Variants in PRKN observed in about 807,000 individuals in gnomAD.
PRKN encodes the protein parkin RBR E3 ubiquitin protein ligase, also known as E3 ubiquitin-protein ligase parkin.
PRKN carries 56 observed loss-of-function variants against 59.5 expected under a neutral mutation model. The observed-to-expected ratio is 0.94, with a 90% confidence interval of 0.76 to 1.18. PRKN has a LOEUF of 1.18. Ranked by LOEUF, PRKN falls within the 50% of genes most tolerant of loss-of-function variation. The probability of loss-of-function intolerance (pLI) is 0.00; values close to 1 mark genes in which losing one functional copy is unlikely to be tolerated. For synonymous variants in PRKN, 250 were observed against 222.1 expected (o/e 1.13, Z -1.12); for missense variants, 657 against 596.4 (o/e 1.10, Z -1.06).
chr6:162,485,401 C>T (rs1292271069), intron 1 of PRKN, among the ~76,000 whole-genome samples: 1 of 152,154 alleles, frequency 6.6e-6, no homozygotes, highest in East Asian at 1.9e-4. Context: ...ATGAGAGACA[C>T]TGCTATTTTT....
intron 9 of PRKN, among the ~76,000 whole-genome samples, chr6:161,532,592 G>GT (rs1321342695): frequency 2.0e-5 from 3 of 152,156 alleles, no homozygotes; most frequent in African/African-American, 4.8e-5. Flanking sequence ...GCTTTGTGGG[G>GT]TTTTTTTACT....
intron 1 of PRKN, among the ~76,000 whole-genome samples, chr6:162,640,064 C>T (rs112666349): frequency 3.6e-4 from 54 of 152,038 alleles, no homozygotes; most frequent in African/African-American, 1.2e-3. Flanking sequence ...TTGATGACTT[C>T]CAAATTCTCT....
chr6:161,959,582 C>G (rs1259418373), intron 6 of PRKN, among the ~76,000 whole-genome samples: 2 of 152,204 alleles, frequency 1.3e-5, no homozygotes, highest in Non-Finnish European at 2.9e-5. Flanking sequence ...CGTGTCCACA[C>G]TATTCCTCCC....
intron 4 of PRKN, among the ~76,000 whole-genome samples, chr6:162,075,324 T>C (rs2187206): frequency 0.83 from 125,602 of 152,012 alleles, 52,077 homozygotes; most frequent in Admixed American, 0.88. Flanking sequence ...ATTAGATTTC[T>C]AGTGAATGCT....
chr6:162,367,808 T>C (rs1050983521), intron 2 of PRKN, among the ~76,000 whole-genome samples: 2 of 152,044 alleles, frequency 1.3e-5, no homozygotes, highest in Non-Finnish European at 2.9e-5. Flanking sequence ...TGAGATTAGA[T>C]CACCTGGTAA....
intron 5 of PRKN, among the ~76,000 whole-genome samples, chr6:162,046,769 T>G (rs1206196252): frequency 6.6e-6 from 1 of 152,166 alleles, no homozygotes; most frequent in Non-Finnish European, 1.5e-5. Context: ...AAGCTTAGGG[T>G]TCATACCATC....
At position 162,056,695 on chromosome 6, in the gene PRKN, T is replaced by C. The variant is rs1161394875; in HGVS notation, c.535-2521A>G. On this transcript the variant is annotated intron_variant, in intron 4 of 11. Transcript: ENST00000366898. This position sits in a 1 kb window ranked among gnomAD's most constrained non-coding sequence, Gnocchi z 4.9. Reference sequence around the variant, plus strand: ...ATCATTCCCTTACTGCTACGGGTGGTGTGCAGAGCCTGAACTGTCTGCACA... The same window carrying C: ...ATCATTCCCTTACTGCTACGGGTGGCGTGCAGAGCCTGAACTGTCTGCACA... Among the ~76,000 whole-genome samples, 4 of 152,180 alleles carry C rather than the reference T, an allele frequency of 2.6e-5. No individual in the cohort carries two copies. The highest frequency in any genetic ancestry group is 9.7e-5 in the African/African-American group (4 of 41,448).
chr6:162,198,459 T>C (rs555705454), intron 4 of PRKN, among the ~76,000 whole-genome samples: 1 of 151,650 alleles, frequency 6.6e-6, no homozygotes, highest in Non-Finnish European at 1.5e-5. Context: ...CATGAGTATA[T>C]ATAAATATAT....
chr6:162,520,654 C>A (rs2128193399), intron 1 of PRKN, among the ~76,000 whole-genome samples: 1 of 152,298 alleles, frequency 6.6e-6, no homozygotes, highest in South Asian at 2.1e-4. Context: ...TATTGTCTTA[C>A]AATTGCCTCT....
At chr6:161,511,861 T>C (rs1484253497) in intron 9 of PRKN, among the ~76,000 whole-genome samples, 1 of 152,060 alleles carries the variant, frequency 6.6e-6, no homozygotes, top group Non-Finnish European at 1.5e-5. Flanking sequence ...CAGAAAACAT[T>C]AGTCTGGGAG....
At chr6:161,693,772 T>G (rs762559274) in intron 7 of PRKN, among the ~76,000 whole-genome samples, 13 of 152,218 alleles carry the variant, frequency 8.5e-5, no homozygotes, top group African/African-American at 3.1e-4. Context: ...CTTTTCATAA[T>G]GGGTGCACAG....
At chr6:162,612,469 A>G (rs1166912723) in intron 1 of PRKN, among the ~76,000 whole-genome samples, 1 of 151,450 alleles carries the variant, frequency 6.6e-6, no homozygotes, top group South Asian at 2.1e-4. Flanking sequence ...GCGGTATTGA[A>G]CCAGATTTCT....
intron 2 of PRKN, among the ~76,000 whole-genome samples, chr6:162,406,265 T>C (rs1488247343): frequency 2.6e-5 from 4 of 152,162 alleles, no homozygotes; most frequent in African/African-American, 9.7e-5. Context: ...TGACCTTTGC[T>C]GAAGTCAGAT....
At chr6:161,624,568 G>A (rs1039699418) in intron 7 of PRKN, among the ~76,000 whole-genome samples, 3 of 152,170 alleles carry the variant, frequency 2.0e-5, no homozygotes, top group Non-Finnish European at 4.4e-5. Context: ...AACCTTATAA[G>A]CAAAATTAGA....
At chr6:162,286,227 G>A (rs1051001623) in intron 2 of PRKN, among the ~76,000 whole-genome samples, 14 of 152,232 alleles carry the variant, frequency 9.2e-5, no homozygotes, top group Admixed American at 3.9e-4. Flanking sequence ...GTTTTATCAC[G>A]TTTATTTGCT....
chr6:162,391,064 C>G (rs1476668291), intron 2 of PRKN, among the ~76,000 whole-genome samples: 1 of 152,140 alleles, frequency 6.6e-6, no homozygotes, highest in Admixed American at 6.6e-5. Flanking sequence ...TCGCTGTAAA[C>G]TCACGTGGAA....
chr6:161,987,191 A>T (rs1781466876), intron 5 of PRKN, among the ~76,000 whole-genome samples: 1 of 152,234 alleles, frequency 6.6e-6, no homozygotes, highest in African/African-American at 2.4e-5. Context: ...TAGGAAAAGA[A>T]GAAAATAAAA....
rs536326819 is a variant in PRKN, at chr6:162,457,193, C to T, written c.8-13720G>A. Among the ~76,000 whole-genome samples, 4 of 152,082 alleles carry T rather than the reference C, an allele frequency of 2.6e-5. No individual in the cohort carries two copies. The South Asian group carries it at 6.2e-4, about 24-fold the overall frequency. The stretch of plus-strand genomic sequence containing the variant: ...TGTTGGTGAATTTGCAAATATGGAA[C>T]CCGTGAAAAATGAAGATTAACTATA... On this transcript the variant is annotated intron_variant, in intron 1 of 11. Transcript: ENST00000366898.
intron 1 of PRKN, among the ~76,000 whole-genome samples, chr6:162,602,440 C>T (rs1035356157): frequency 6.6e-6 from 1 of 152,192 alleles, no homozygotes; most frequent in African/African-American, 2.4e-5. Context: ...AACACTGTGT[C>T]TTGCATGTGG....
Sources: allele counts gnomAD v4.1 joint callset (sites outside exome capture counted in the v4.1 genomes callset), GRCh38; gene constraint gnomAD v4.1.1; non-coding constraint Gnocchi (gnomAD v3.1); transcripts MANE v1.5; gene names NCBI Gene and HGNC (gene_info 2026-07-23, HGNC 2026-07-21).